Variants in GRIN2B observed in about 807,000 individuals in gnomAD.
GRIN2B encodes glutamate ionotropic receptor NMDA type subunit 2B, also known as glutamate receptor ionotropic, NMDA 2B.
GRIN2B carries 5 observed loss-of-function variants against 114.5 expected under a neutral mutation model. That is an observed-to-expected ratio of 0.04 (90% confidence interval 0.02 to 0.09). The LOEUF is 0.09. Ranked by LOEUF, GRIN2B falls within the 10% of genes least tolerant of loss-of-function variation. The probability of loss-of-function intolerance (pLI) is 1.00; values close to 1 mark genes in which losing one functional copy is unlikely to be tolerated. For missense variants in GRIN2B, 1,108 were observed against 1,943.5 expected (o/e 0.57, Z 8.08); for synonymous variants, 787 against 745.1 (o/e 1.06, Z -0.92).
At chr12:13,570,173 A>G (rs564308401) in intron 11 of GRIN2B, among the ~76,000 whole-genome samples, 156 bp from the exon 12 acceptor site, 71 of 152,344 alleles carry the variant, frequency 4.7e-4, no homozygotes, top group Non-Finnish European at 7.9e-4. Flanking sequence ...TCTAAAGCCT[A>G]AATCCCAGGC....
intron 9 of GRIN2B, among the ~76,000 whole-genome samples, chr12:13,611,159 T>G (rs2136473938): frequency 6.6e-6 from 1 of 152,316 alleles, no homozygotes; most frequent in South Asian, 2.1e-4. Flanking sequence ...CAATAATAGC[T>G]ATGAGTGAGA....
At chr12:13,933,071 A>G (rs1867067777) in intron 2 of GRIN2B, among the ~76,000 whole-genome samples, 1 of 151,738 alleles carries the variant, frequency 6.6e-6, no homozygotes, top group Admixed American at 6.6e-5. Flanking sequence ...TACAGCTCTC[A>G]CCAGACCCCT....
intron 5 of GRIN2B, among the ~76,000 whole-genome samples, chr12:13,663,250 T>G (rs1261872860): frequency 6.6e-6 from 1 of 152,230 alleles, no homozygotes; most frequent in Non-Finnish European, 1.5e-5. Flanking sequence ...GGCATGTCTT[T>G]TGACATTAAA....
At chr12:13,649,174 G>A (rs760789066) in intron 5 of GRIN2B, among the ~76,000 whole-genome samples, 3 of 152,124 alleles carry the variant, frequency 2.0e-5, no homozygotes, top group East Asian at 3.9e-4. Context: ...ATGTGAAGCC[G>A]GTAGCATGAG....
intron 10 of GRIN2B, among the ~76,000 whole-genome samples, chr12:13,605,599 TAAA>T (rs1949236519): frequency 7.0e-6 from 1 of 142,952 alleles, no homozygotes; most frequent in Non-Finnish European, 1.5e-5. Flanking sequence ...CTTCATTCTA[TAAA>T]ACAAACTGAT....
Position 13,557,635 on chromosome 12 carries a change from A to G in GRIN2B, c.*5148T>C, listed in dbSNP as rs565803277. 9.8e-5 allele frequency: 15 copies of G among 152,336 alleles called. No individual in the cohort carries two copies. The highest frequency in any genetic ancestry group is 3.6e-4 in the African/African-American group (15 of 41,576). The allele number at this position is 152,336 out of a possible 1,614,324, so 9.4% of individuals were successfully genotyped here. A position where few individuals can be genotyped will look rare whatever the true frequency, so the allele number is the denominator to read the frequency against. On this transcript the variant is annotated 3_prime_UTR_variant, in exon 14 of 14. Coordinates refer to ENST00000609686, the MANE Select transcript of GRIN2B (RefSeq NM_000834.5). ...CTCATATGATTGTGTATTGAAAATAATTCCTAACCAGGAGTCCTATTTAGG... is the reference window on the plus strand; with the variant it reads ...CTCATATGATTGTGTATTGAAAATAGTTCCTAACCAGGAGTCCTATTTAGG...
rs559323587 is a variant in GRIN2B, at chr12:13,937,268, G to A, written c.-19+42660C>T. 8.4e-4 allele frequency among the ~76,000 whole-genome samples: 127 copies of A among 151,758 alleles called. No individual in the cohort carries two copies. In the South Asian group the frequency reaches 0.015, roughly 18 times the overall value. On this transcript the variant is annotated intron_variant, in intron 2 of 13. Coordinates refer to ENST00000609686, the MANE Select transcript of GRIN2B (RefSeq NM_000834.5). ...AAGAAATAGCAGCCAAAAATTTCCC[G>A]AATGCCAATTTGATTTTCACTGACT... is the stretch of plus-strand genomic sequence containing the variant.
intron 3 of GRIN2B, among the ~76,000 whole-genome samples, chr12:13,782,163 T>C (rs1454038769): frequency 6.6e-6 from 1 of 152,174 alleles, no homozygotes; most frequent in Non-Finnish European, 1.5e-5. Flanking sequence ...CTTCACTTTT[T>C]CCATAATTAG....
intron 5 of GRIN2B, among the ~76,000 whole-genome samples, chr12:13,639,648 G>A (rs983116134): frequency 6.6e-6 from 1 of 152,090 alleles, no homozygotes; most frequent in Non-Finnish European, 1.5e-5. Flanking sequence ...ATGTGCCCCA[G>A]AAGAGAGATG....
At chr12:13,749,562 A>G (rs1018361566) in intron 4 of GRIN2B, among the ~76,000 whole-genome samples, 2 of 152,182 alleles carry the variant, frequency 1.3e-5, no homozygotes, top group African/African-American at 4.8e-5. Context: ...TAAAACAACC[A>G]GCCATTTGCA....
At chr12:13,808,191 T>G (rs1249883587) in intron 3 of GRIN2B, among the ~76,000 whole-genome samples, 1 of 152,002 alleles carries the variant, frequency 6.6e-6, no homozygotes, top group Non-Finnish European at 1.5e-5. Flanking sequence ...CATCAGCATT[T>G]TTAAACACTG....
chr12:13,577,004 G>A (rs1490991970), intron 10 of GRIN2B, among the ~76,000 whole-genome samples: 2 of 152,184 alleles, frequency 1.3e-5, no homozygotes, highest in African/African-American at 2.4e-5. Flanking sequence ...TGAGGAAACC[G>A]AAGTCCTGAA....
intron 4 of GRIN2B, among the ~76,000 whole-genome samples, chr12:13,684,597 A>C (rs1304005233): frequency 6.6e-6 from 1 of 152,206 alleles, no homozygotes; most frequent in Non-Finnish European, 1.5e-5. Context: ...AGAGAGAAGA[A>C]ACCAAGTAGC....
intron 4 of GRIN2B, among the ~76,000 whole-genome samples, chr12:13,680,445 T>G (rs1312832876): frequency 5.5e-5 from 5 of 90,904 alleles, no homozygotes; most frequent in East Asian, 7.2e-4. Flanking sequence ...GTTGTGTGTG[T>G]GTGTGTGTGT....
intron 2 of GRIN2B, among the ~76,000 whole-genome samples, chr12:13,889,661 T>TA (rs1394185352): frequency 6.6e-6 from 1 of 152,092 alleles, no homozygotes; most frequent in East Asian, 1.9e-4. Flanking sequence ...ATATTTCTGT[T>TA]CCCCAAGACC....
At chr12:13,857,640 C>A (rs752444292) in intron 3 of GRIN2B, among the ~76,000 whole-genome samples, 6 of 152,140 alleles carry the variant, frequency 3.9e-5, no homozygotes, top group Non-Finnish European at 8.8e-5. Context: ...TTCCTACAGG[C>A]ATTGGTTGAA....
Position 13,560,051 on chromosome 12 carries a change from A to G in GRIN2B, c.*2732T>C, listed in dbSNP as rs887193876. ...TGTGGTAACCTAGGGTCTACCTAGA[A>G]GATAGGAGTCAGACCTGGGGTTTGC... On this transcript the variant is annotated 3_prime_UTR_variant, in exon 14 of 14. Coordinates refer to ENST00000609686, the MANE Select transcript of GRIN2B (RefSeq NM_000834.5). 3.9e-5 allele frequency: 6 copies of G among 152,178 alleles called. No homozygotes were observed. The highest frequency in any genetic ancestry group is 1.3e-4 in the Admixed American group (2 of 15,282). The allele number at this position is 152,178 out of a possible 1,614,324, so 9.4% of individuals were successfully genotyped here.
At chr12:13,715,214 T>A (rs985530405) in intron 4 of GRIN2B, among the ~76,000 whole-genome samples, 1 of 151,906 alleles carries the variant, frequency 6.6e-6, no homozygotes, top group Non-Finnish European at 1.5e-5. Context: ...TTATTATGTA[T>A]GTATTCCTTC....
chr12:13,871,924 C>T (rs1310658504), intron 2 of GRIN2B, among the ~76,000 whole-genome samples: 4 of 151,998 alleles, frequency 2.6e-5, no homozygotes, highest in Non-Finnish European at 5.9e-5. Flanking sequence ...GTTATTAAAG[C>T]CCACACCCCT....
Sources: gnomAD v4.1 joint callset for allele counts (sites outside exome capture counted in the v4.1 genomes callset) on GRCh38, gnomAD v4.1.1 for gene constraint, MANE v1.5 for transcripts, NCBI Gene and HGNC (gene_info 2026-07-23, HGNC 2026-07-21) for gene names.